The following BAIAP2L1 variants were observed in gnomAD, a reference collection of about 807,000 sequenced individuals.
The protein encoded by BAIAP2L1 is BAR/IMD domain containing adaptor protein 2 like 1, also known as BAR/IMD domain-containing adapter protein 2-like 1.
Under a neutral mutation model 66.3 loss-of-function variants are expected in BAIAP2L1, and 35 were observed. That is an observed-to-expected ratio of 0.53 (90% CI 0.40 to 0.70). BAIAP2L1 has a LOEUF of 0.70. Ranked by LOEUF, BAIAP2L1 falls within the 30% of genes least tolerant of loss-of-function variation. The pLI, the probability that BAIAP2L1 is intolerant of heterozygous loss-of-function variation, is 0.00. For synonymous variants in BAIAP2L1, 269 were observed against 248.7 expected (o/e 1.08, Z -0.77); for missense variants, 622 against 656.9 (o/e 0.95, Z 0.58).
intron 12 of BAIAP2L1, among the ~76,000 whole-genome samples, chr7:98,298,893 G>A (rs972362590): frequency 3.9e-5 from 6 of 152,104 alleles, no homozygotes; most frequent in African/African-American, 1.2e-4. Context: ...CCAGGCTGCA[G>A]TGCAGTGGCA....
At chr7:98,322,846 C>T (rs1023301694) in intron 3 of BAIAP2L1, 1 of 152,322 alleles carries the variant, frequency 6.6e-6, no homozygotes, top group Non-Finnish European at 1.5e-5. Context: ...ATGTCGCTCC[C>T]CTGCTCCCGC....
In BAIAP2L1 at chr7:98,307,666, G is replaced by C. The variant is rs541005179; in HGVS notation, c.1163+23C>G. On this transcript the variant is annotated intron_variant, in intron 10 of 13. Transcript: ENST00000005260. ...GGGAGGGGCCGTCTGGTGCCCTGCG[G>C]GGACCATCACGCCCAGACTTACGCC... is the stretch of plus-strand genomic sequence containing the variant. 4.3e-6 allele frequency: 7 copies of C among 1,612,738 alleles called. No homozygotes were observed. In the South Asian group the frequency reaches 7.7e-5, roughly 18 times the overall value.
intron 10 of BAIAP2L1, 49 bp from the exon 11 acceptor site, chr7:98,306,565 C>A (rs746122454): frequency 1.2e-6 from 2 of 1,613,342 alleles, no homozygotes; most frequent in Admixed American, 3.3e-5. Flanking sequence ...GACATGTGGA[C>A]GGCAACCTCC....
chr7:98,382,589 T>C (rs1046564633), intron 1 of BAIAP2L1, among the ~76,000 whole-genome samples: 24 of 152,342 alleles, frequency 1.6e-4, no homozygotes, highest in Non-Finnish European at 2.8e-4. Context: ...CACTTTCCTT[T>C]GTAGTTTAAG....
intron 2 of BAIAP2L1, among the ~76,000 whole-genome samples, chr7:98,359,449 C>A (rs1456014755): frequency 6.6e-6 from 1 of 151,860 alleles, no homozygotes; most frequent in African/African-American, 2.4e-5. Context: ...ATTTTTGTAT[C>A]TTTAGCAGAG....
chr7:98,302,805 A>AT (rs1034483937), intron 12 of BAIAP2L1, among the ~76,000 whole-genome samples: 3 of 152,090 alleles, frequency 2.0e-5, no homozygotes, highest in African/African-American at 7.2e-5. Context: ...TTCTTTTTTT[A>AT]TGAGACAGGG....
chr7:98,391,337 T>C (rs977377540), intron 1 of BAIAP2L1, among the ~76,000 whole-genome samples: 9 of 152,096 alleles, frequency 5.9e-5, no homozygotes, highest in African/African-American at 2.2e-4. Context: ...CCGGCAACAT[T>C]TTATCTCATT....
At chr7:98,299,117 C>G (rs1376212667) in intron 12 of BAIAP2L1, among the ~76,000 whole-genome samples, 2 of 151,930 alleles carry the variant, frequency 1.3e-5, no homozygotes, top group Non-Finnish European at 2.9e-5. Flanking sequence ...CCGGGTTCAA[C>G]TGATTCTCCT....
intron 3 of BAIAP2L1, among the ~76,000 whole-genome samples, chr7:98,321,098 A>G (rs1801230458): frequency 6.6e-6 from 1 of 151,740 alleles, no homozygotes; most frequent in South Asian, 2.1e-4. Context: ...ACCTCAAGTG[A>G]TCCGCACACC....
intron 7 of BAIAP2L1, among the ~76,000 whole-genome samples, chr7:98,313,394 C>G (rs1256754013): frequency 6.6e-6 from 1 of 152,104 alleles, no homozygotes; most frequent in Non-Finnish European, 1.5e-5. Context: ...CTGGAGCTCC[C>G]TGAAAAGGTG....
At chr7:98,300,875 T>G (rs1327950488) in intron 12 of BAIAP2L1, among the ~76,000 whole-genome samples, 1 of 152,052 alleles carries the variant, frequency 6.6e-6, no homozygotes, top group Non-Finnish European at 1.5e-5. Flanking sequence ...AGGCCTTGTG[T>G]TTTTGCCGAA....
At chr7:98,370,453 T>C (rs1219318601) in intron 1 of BAIAP2L1, among the ~76,000 whole-genome samples, 1 of 151,648 alleles carries the variant, frequency 6.6e-6, no homozygotes, top group East Asian at 1.9e-4. Context: ...TCAACATATA[T>C]ACTTCTTTAT....
At chr7:98,328,954 G>C (rs893659953) in intron 3 of BAIAP2L1, among the ~76,000 whole-genome samples, 3 of 152,176 alleles carry the variant, frequency 2.0e-5, no homozygotes, top group African/African-American at 2.4e-5. Flanking sequence ...CATACCTGTA[G>C]AGTATACTTT....
chr7:98,398,133 G>A (rs1015862683), intron 1 of BAIAP2L1, among the ~76,000 whole-genome samples: 3 of 152,064 alleles, frequency 2.0e-5, no homozygotes, highest in East Asian at 3.9e-4. Context: ...ATCATTTGCA[G>A]GTGGCTTTTG....
chr7:98,298,753 G>A (rs1800295175), intron 12 of BAIAP2L1, among the ~76,000 whole-genome samples: 1 of 152,210 alleles, frequency 6.6e-6, no homozygotes. Flanking sequence ...TATTAATCGA[G>A]GTGGACATAA....
At chr7:98,335,275 CT>C (rs1267279914) in intron 3 of BAIAP2L1, among the ~76,000 whole-genome samples, 1 of 151,806 alleles carries the variant, frequency 6.6e-6, no homozygotes, top group Non-Finnish European at 1.5e-5. Flanking sequence ...AAAGATCACC[CT>C]TTCCACTTCC....
intron 3 of BAIAP2L1, among the ~76,000 whole-genome samples, chr7:98,350,785 A>C (rs369577851): frequency 1.3e-5 from 2 of 152,196 alleles, no homozygotes; most frequent in African/African-American, 4.8e-5. Flanking sequence ...ATAGAAACAG[A>C]CTGGAAAGGA....
chr7:98,339,245 G>T (rs1801683162), intron 3 of BAIAP2L1, among the ~76,000 whole-genome samples: 2 of 152,008 alleles, frequency 1.3e-5, no homozygotes, highest in Non-Finnish European at 2.9e-5. Flanking sequence ...AATGGTCAAG[G>T]GTTCCAATTT....
chr7:98,301,709 A>G (rs907211530), intron 12 of BAIAP2L1, among the ~76,000 whole-genome samples: 11 of 152,182 alleles, frequency 7.2e-5, no homozygotes, highest in Admixed American at 3.9e-4. Flanking sequence ...GGTGGGGGTT[A>G]GAGGGAGGGT....
Sources: allele counts gnomAD v4.1 joint callset (sites outside exome capture counted in the v4.1 genomes callset), GRCh38; gene constraint gnomAD v4.1.1; transcripts MANE v1.5; gene names NCBI Gene and HGNC (gene_info 2026-07-23, HGNC 2026-07-21).